Variants in TLE1 observed in about 807,000 individuals in gnomAD.
TLE1 encodes TLE family member 1, transcriptional corepressor.
A neutral mutation model predicts 89.8 loss-of-function variants in TLE1; 21 were observed. That is an observed-to-expected ratio of 0.23 (90% CI 0.17 to 0.34). The LOEUF (loss-of-function observed/expected upper bound fraction) is 0.34. Among genes scored for constraint, TLE1 ranks in the 10% least tolerant of loss-of-function variants. TLE1 has a pLI of 1.00. For synonymous variants in TLE1, 447 were observed against 407.6 expected (o/e 1.10, Z -1.16); for missense variants, 795 against 1,031.2 (o/e 0.77, Z 3.14).
intron 15 of TLE1, among the ~76,000 whole-genome samples, chr9:81,591,865 C>T (rs1392423927): frequency 6.6e-6 from 1 of 152,076 alleles, no homozygotes; most frequent in Non-Finnish European, 1.5e-5. Context: ...GTCTGTGTTT[C>T]CAAAACACCG....
chr9:81,664,796 A>C (rs1486290797), intron 4 of TLE1, among the ~76,000 whole-genome samples: 5 of 152,184 alleles, frequency 3.3e-5, no homozygotes, highest in African/African-American at 1.2e-4. Flanking sequence ...AGCGTACACG[A>C]GGATGGTCTT....
chr9:81,652,749 T>C (rs868624255), intron 5 of TLE1, among the ~76,000 whole-genome samples: 19 of 152,082 alleles, frequency 1.2e-4, no homozygotes, highest in Admixed American at 5.2e-4. Flanking sequence ...AAGACCAGCA[T>C]GGGCAACATG....
intron 17 of TLE1, among the ~76,000 whole-genome samples, chr9:81,586,087 G>C (rs1358758517): frequency 2.0e-5 from 3 of 146,942 alleles, no homozygotes; most frequent in Non-Finnish European, 4.4e-5. Context: ...GCGTTATCTC[G>C]GCTCACTGCA....
rs367862048 is a variant in TLE1 at position 81,649,407 on chromosome 9, G to A, written c.372+2807C>T. 7.2e-5 allele frequency among the ~76,000 whole-genome samples: 11 copies of A among 152,206 alleles called. No homozygotes were observed. In the East Asian group the frequency reaches 2.1e-3, roughly 29 times the overall value. On this transcript the variant is annotated intron_variant, in intron 6 of 19. Coordinates refer to ENST00000376499, the MANE Select transcript of TLE1 (RefSeq NM_005077.5). ...ACTAACCTAGAAGCTGGATGTCCTT[G>A]AGATGATTTACTTTTTCCAGGTTTG...
intron 8 of TLE1, among the ~76,000 whole-genome samples, chr9:81,625,147 T>C (rs893329620): frequency 1.3e-5 from 2 of 152,144 alleles, no homozygotes; most frequent in African/African-American, 2.4e-5. Context: ...ACAGAAACCA[T>C]ATACTCCATA....
chr9:81,662,141 TCAACA>T (rs1830875912), intron 4 of TLE1, among the ~76,000 whole-genome samples: 3 of 152,296 alleles, frequency 2.0e-5, no homozygotes, highest in South Asian at 4.1e-4. Context: ...TAACAGCAAT[TCAACA>T]CATCACAACC....
chr9:81,648,188 C>G lies in TLE1; in HGVS notation c.372+4026G>C, dbSNP rs147329787. 9.2e-3 allele frequency among the ~76,000 whole-genome samples: 1,386 copies of G among 150,776 alleles called. 22 individuals are homozygous for G. The highest frequency in any genetic ancestry group is 0.032 in the African/African-American group (1,302 of 40,896). Reference sequence around the variant, plus strand: ...TCGGGCGGCTGAGGCAGGAGAATCACTGGAACCCTGGGAGGCAGAGGTTGC... The same window carrying G: ...TCGGGCGGCTGAGGCAGGAGAATCAGTGGAACCCTGGGAGGCAGAGGTTGC... On this transcript the variant is annotated intron_variant, in intron 6 of 19. Coordinates refer to ENST00000376499, the MANE Select transcript of TLE1 (RefSeq NM_005077.5).
At chr9:81,675,120 A>G (rs1022501554) in intron 4 of TLE1, among the ~76,000 whole-genome samples, 13 of 152,130 alleles carry the variant, frequency 8.5e-5, no homozygotes, top group Admixed American at 6.6e-5. Context: ...AATTCCCCAT[A>G]TTATTAATTT....
At chr9:81,640,434 T>C (rs780626062) in intron 6 of TLE1, among the ~76,000 whole-genome samples, 8 of 152,040 alleles carry the variant, frequency 5.3e-5, no homozygotes, top group Non-Finnish European at 7.4e-5. Context: ...ACAAAGCAAT[T>C]TGAGAAAGGA....
intron 4 of TLE1, among the ~76,000 whole-genome samples, chr9:81,684,185 T>C (rs1364021473): frequency 1.3e-5 from 2 of 150,738 alleles, no homozygotes; most frequent in East Asian, 1.9e-4. Flanking sequence ...CTAGGCCAAG[T>C]TTATTTGCAT....
At chr9:81,653,135 A>G (rs181425211) in intron 5 of TLE1, among the ~76,000 whole-genome samples, 1 of 152,324 alleles carries the variant, frequency 6.6e-6, no homozygotes, top group East Asian at 1.9e-4. Flanking sequence ...AGACAAATCT[A>G]TTGTCATATC....
chr9:81,668,180 A>G (rs1030873438), intron 4 of TLE1, among the ~76,000 whole-genome samples: 2 of 152,092 alleles, frequency 1.3e-5, no homozygotes, highest in African/African-American at 4.8e-5. Context: ...AAAAAAAAAA[A>G]AGAAGGATAT....
intron 15 of TLE1, among the ~76,000 whole-genome samples, chr9:81,591,720 G>C (rs1237273101): frequency 1.3e-5 from 2 of 152,174 alleles, no homozygotes; most frequent in African/African-American, 4.8e-5. Context: ...GAAACTTTAA[G>C]CACATGACTT....
intron 11 of TLE1, among the ~76,000 whole-genome samples, chr9:81,614,543 A>G (rs1036641132): frequency 2.0e-5 from 3 of 152,178 alleles, no homozygotes; most frequent in Admixed American, 6.5e-5. Flanking sequence ...AGCACGGGCT[A>G]AAGAGAGCTC....
chr9:81,634,369 TGGAGGCGGCATCCA>T, intron 6 of TLE1, 68 bp from the exon 7 acceptor site: 1 of 1,294,898 alleles, frequency 7.7e-7, no homozygotes, highest in Non-Finnish European at 1.0e-6. Context: ...GTGATGGCGA[TGGAGGCGGCATCCA>T]GGGGAAAACA....
chr9:81,648,999 G>A (rs952052041), intron 6 of TLE1, among the ~76,000 whole-genome samples: 2 of 152,056 alleles, frequency 1.3e-5, no homozygotes, highest in African/African-American at 4.8e-5. Context: ...CCTTTTCATT[G>A]TGACAAGACT....
chr9:81,660,879 G>A lies in TLE1; in HGVS notation c.235-6843C>T, dbSNP rs113526966. 2.4e-4 allele frequency among the ~76,000 whole-genome samples: 35 copies of A among 148,294 alleles called. 1 individual carries two copies. The highest frequency in any genetic ancestry group is 4.9e-5 in the African/African-American group (2 of 40,688). On this transcript the variant is annotated intron_variant, in intron 4 of 19. Coordinates refer to ENST00000376499, the MANE Select transcript of TLE1 (RefSeq NM_005077.5). ...TGGGAGGCCGAGGCGGGAGGATCAC[G>A]AGGTCAGGAGGTCAAGACCATTCTG...
intron 8 of TLE1, among the ~76,000 whole-genome samples, chr9:81,622,095 G>T (rs1219013083): frequency 1.3e-5 from 2 of 152,182 alleles, no homozygotes; most frequent in Non-Finnish European, 2.9e-5. Flanking sequence ...AGCTGACAAG[G>T]CTGCAGGAGA....
At chr9:81,688,178 A>G in intron 1 of TLE1, 39 bp downstream of exon 1, 1 of 1,601,610 alleles carries the variant, frequency 6.2e-7, no homozygotes, top group Non-Finnish European at 8.5e-7. Context: ...CGCCTCCCCA[A>G]CGATCCTGGC....
Sources: allele counts gnomAD v4.1 joint callset (sites outside exome capture counted in the v4.1 genomes callset), GRCh38; gene constraint gnomAD v4.1.1; transcripts MANE v1.5; gene names NCBI Gene and HGNC (gene_info 2026-07-23, HGNC 2026-07-21).